SCLY: variants seen among roughly 807,000 people sequenced by gnomAD.
The protein encoded by SCLY is selenocysteine lyase, also known as putative selenocysteine lyase.
SCLY carries 38 observed loss-of-function variants against 50.1 expected under a neutral mutation model. The ratio of observed to expected loss-of-function variants is 0.76; its 90% CI spans 0.59 to 0.99. The LOEUF is 0.99. SCLY is among the 50% of genes least tolerant of loss of function. SCLY has a pLI of 0.00. For synonymous variants in SCLY, 243 were observed against 249.4 expected, an observed-to-expected ratio of 0.97 and a Z score of 0.24; for missense variants, 600 against 620.0, an observed-to-expected ratio of 0.97 and a Z score of 0.34.
Position 238,094,041 on chromosome 2 carries a change from G to A in SCLY, c.1005+97G>A, listed in dbSNP as rs60583769. 1.1e-5 allele frequency: 12 copies of A among 1,077,588 alleles called. No homozygotes were observed. In the South Asian group the frequency reaches 1.6e-4, roughly 15 times the overall value. 66.8% of individuals were successfully genotyped at this position (1,077,588 alleles called of 1,614,324 possible). A position where few individuals can be genotyped will look rare whatever the true frequency, so the allele number is the denominator to read the frequency against. On this transcript the variant is annotated intron_variant, in intron 9 of 11. Transcript: ENST00000254663. ...GGTGCTCCCAGACCCCAGGACCTGT[G>A]GGGATTGCAGCGTAGCCTGGAACTC...
intron 8 of SCLY, 72 bp from the exon 9 acceptor site, chr2:238,093,789 C>G: frequency 2.9e-6 from 4 of 1,379,650 alleles, no homozygotes; most frequent in Non-Finnish European, 3.0e-6. Flanking sequence ...GCCACCTGTA[C>G]CGTTGAAAGC....
intron 11 of SCLY, 46 bp from the exon 12 acceptor site, chr2:238,098,156 C>T (rs766744834): frequency 7.5e-6 from 12 of 1,591,378 alleles, no homozygotes; most frequent in South Asian, 2.2e-5. Flanking sequence ...TGTGTCTCTT[C>T]CATGTGCCCT....
rs931345428 is a variant in SCLY, at chr2:238,078,007, G to A, written c.485-3702G>A. Among the ~76,000 whole-genome samples the A allele has an allele frequency of 4.0e-5, 6 of 149,802 alleles. No individual in the cohort carries two copies. In the Admixed American group the frequency reaches 4.0e-4, roughly 10 times the overall value. ...CGCTCTGTTGCCCAGGCTATGGAGT[G>A]CAGTGGCACGATCTTGGCTCACTGC... is the stretch of plus-strand genomic sequence containing the variant. On this transcript the variant is annotated intron_variant, in intron 4 of 11. Transcript: ENST00000254663.
intron 4 of SCLY, chr2:238,080,013 A>C (rs2065218662): frequency 6.6e-6 from 1 of 152,124 alleles, no homozygotes; most frequent in Non-Finnish European, 1.5e-5. Context: ...AATCTCTGTA[A>C]ATCTACCTTC....
intron 1 of SCLY, 166 bp downstream of exon 1, chr2:238,061,309 G>A: frequency 1.4e-6 from 1 of 716,056 alleles, no homozygotes; most frequent in Non-Finnish European, 2.6e-6. Flanking sequence ...CTTCAAGGAG[G>A]AGCGGGTGCG....
At chr2:238,094,020 C>A in intron 9 of SCLY, 76 bp downstream of exon 9, 3 of 1,281,564 alleles carry the variant, frequency 2.3e-6, no homozygotes, top group Non-Finnish European at 2.2e-6. Context: ...GGGTGTGGTG[C>A]TCCCAGACCC....
intron 7 of SCLY, among the ~76,000 whole-genome samples, chr2:238,085,378 G>A (rs918418241): frequency 1.3e-5 from 2 of 152,052 alleles, no homozygotes; most frequent in Admixed American, 6.6e-5. Flanking sequence ...AGAAATCTAT[G>A]AGCTGAAAGA....
chr2:238,062,378 C>A (rs536918342), intron 1 of SCLY, among the ~76,000 whole-genome samples: 1 of 150,788 alleles, frequency 6.6e-6, no homozygotes, highest in Non-Finnish European at 1.5e-5. Flanking sequence ...GCGAGTCAAA[C>A]TTGTCAAAGC....
intron 2 of SCLY, 57 bp from the exon 3 acceptor site, chr2:238,068,008 T>A: frequency 1.6e-6 from 2 of 1,284,222 alleles, no homozygotes; most frequent in South Asian, 2.6e-5. Flanking sequence ...TCCTTTTAGA[T>A]GCGTTGATTG....
chr2:238,068,391 A>G (rs2106437628), intron 3 of SCLY, among the ~76,000 whole-genome samples: 1 of 152,142 alleles, frequency 6.6e-6, no homozygotes, highest in Non-Finnish European at 1.5e-5. Context: ...TCTACAAAAA[A>G]AAAAAAAATT....
chr2:238,097,158 AGGGCTGGGGCGGGCTGGGGT>A (rs1485857939), intron 11 of SCLY, among the ~76,000 whole-genome samples: 3 of 9,870 alleles, frequency 3.0e-4, no homozygotes, highest in East Asian at 5.0e-3. Context: ...GGGGCTGGGG[AGGGCTGGGGCGGGCTGGGGT>A]GGGCTGGGGT....
At chr2:238,090,785 C>T (rs545190109) in intron 7 of SCLY, among the ~76,000 whole-genome samples, 109 of 152,038 alleles carry the variant, frequency 7.2e-4, no homozygotes, top group Middle Eastern at 6.8e-3. Context: ...CACACCCACA[C>T]GCGCTTGCAC....
rs568805059 is a variant in SCLY, at chr2:238,093,736, G to A, written c.922-125G>A. On this transcript the variant is annotated intron_variant, in intron 8 of 11. Coordinates refer to ENST00000254663, the MANE Select transcript of SCLY (RefSeq NM_016510.7). Reference sequence around the variant, plus strand: ...CCAAATGGCAGCACTCAAAAAATATGGTCTGTCTGTGACTGTCAGGAGAAT... The same window carrying A: ...CCAAATGGCAGCACTCAAAAAATATAGTCTGTCTGTGACTGTCAGGAGAAT... The A allele has an allele frequency of 3.3e-5, 29 of 884,802 alleles. No homozygotes were observed. In the African/African-American group the frequency reaches 3.3e-4, roughly 10 times the overall value. 54.8% of individuals were successfully genotyped at this position (884,802 alleles called of 1,614,324 possible).
At chr2:238,090,499 G>A (rs2065350432) in intron 7 of SCLY, among the ~76,000 whole-genome samples, 1 of 152,116 alleles carries the variant, frequency 6.6e-6, no homozygotes, top group African/African-American at 2.4e-5. Context: ...AATTAGCTGG[G>A]CATGGCGGCA....
At chr2:238,090,141 A>G (rs1352600938) in intron 7 of SCLY, among the ~76,000 whole-genome samples, 1 of 152,228 alleles carries the variant, frequency 6.6e-6, no homozygotes, top group Non-Finnish European at 1.5e-5. Flanking sequence ...ACCAAAGAGG[A>G]GACCCAGGTA....
chr2:238,086,708 TAAA>T (rs386393003), intron 7 of SCLY, among the ~76,000 whole-genome samples: 9 of 97,680 alleles, frequency 9.2e-5, no homozygotes, highest in Admixed American at 5.5e-4. Context: ...CCTGTCTCTT[TAAA>T]AAAAAAAAAA....
rs780765027 is a variant in SCLY, at chr2:238,094,475, G to A, written c.1061G>A (p.Arg354Gln). The change falls in exon 10 of 12, where the codon CGG becomes CAG. Residue 354 changes from arginine (R) to glutamine (Q), a missense_variant. Transcript: ENST00000254663. ...AATAGCCAGTTTCCAGGCACCCAGC[G>A]GCTTCCCAATACCTGTAACTTTTCC... ...HLNSQFPGTQ[R>Q]LPNTCNFSIR... 1.2e-5 allele frequency: 19 copies of A among 1,614,034 alleles called. No individual in the cohort carries two copies. Among genetic ancestry groups the A allele is most frequent in the Middle Eastern group, 1.6e-4 (1 of 6,084 alleles).
In SCLY at chr2:238,093,663, G is replaced by T. The variant is rs1451781007; in HGVS notation, c.922-198G>T. 3 of 608,492 alleles carry T rather than the reference G, an allele frequency of 4.9e-6. No individual in the cohort carries two copies. The East Asian group carries it at 8.4e-5, about 17-fold the overall frequency. 37.7% of individuals were successfully genotyped at this position (608,492 alleles called of 1,614,324 possible). Reference sequence around the variant, plus strand: ...TGAGGCATCTCCAGTGCCTGGTGCTGTCAGGAGGTACCTGGTGAAGTCAGT... The same window carrying T: ...TGAGGCATCTCCAGTGCCTGGTGCTTTCAGGAGGTACCTGGTGAAGTCAGT... On this transcript the variant is annotated intron_variant, in intron 8 of 11. Transcript: ENST00000254663.
At chr2:238,091,929 G>A (rs1223672560) in intron 8 of SCLY, 2 of 152,694 alleles carry the variant, frequency 1.3e-5, no homozygotes, top group Non-Finnish European at 2.9e-5. Flanking sequence ...CGAGAGCAGG[G>A]GCTTGGCCAT....
Sources: gnomAD v4.1 joint callset for allele counts (sites outside exome capture counted in the v4.1 genomes callset) on GRCh38, gnomAD v4.1.1 for gene constraint, MANE v1.5 for transcripts, NCBI Gene and HGNC (gene_info 2026-07-23, HGNC 2026-07-21) for gene names.